PHACTR2: variants seen among roughly 807,000 people sequenced by gnomAD.
PHACTR2 encodes chromosome 6 open reading frame 56.
PHACTR2 carries 30 observed loss-of-function variants against 76.0 expected under a neutral mutation model. The observed-to-expected ratio is 0.39, with a 90% CI of 0.30 to 0.54. The LOEUF is 0.54. PHACTR2 is among the 20% of genes least tolerant of loss of function. The probability of loss-of-function intolerance (pLI) is 0.61; values close to 1 mark genes in which losing one functional copy is unlikely to be tolerated. For missense variants in PHACTR2, 696 were observed against 781.1 expected (o/e 0.89, Z 1.30); for synonymous variants, 292 against 292.5 (o/e 1.00, Z 0.02).
upstream of PHACTR2, among the ~76,000 whole-genome samples, chr6:143,604,778 G>C (rs1775848730): frequency 6.6e-6 from 1 of 151,802 alleles, no homozygotes; most frequent in African/African-American, 2.4e-5. Context: ...TGTAATCCCA[G>C]CTACTCGCGA....
At position 143,567,550 on chromosome 6, in the gene PHACTR2, C is replaced by T. The variant is rs571429656; in HGVS notation, c.217+30343C>T. ...CGTAGCTGGAACTACAGGCACACGCCGCCGCGCCTGGTGAATTTTTGTATT... is the reference window on the plus strand; with the variant it reads ...CGTAGCTGGAACTACAGGCACACGCTGCCGCGCCTGGTGAATTTTTGTATT... On this transcript the variant is annotated intron_variant, in intron 1 of 11. Transcript: ENST00000367584. 6.6e-5 allele frequency among the ~76,000 whole-genome samples: 10 copies of T among 152,284 alleles called. No homozygotes were observed. The South Asian group carries it at 1.5e-3, about 22-fold the overall frequency.
At position 143,791,037 on chromosome 6, in the gene PHACTR2, T is replaced by G. The variant is rs953485459; in HGVS notation, c.1845+2127T>G. Among the ~76,000 whole-genome samples the G allele has an allele frequency of 6.6e-6, 1 of 152,160 alleles. No individual in the cohort carries two copies. Among genetic ancestry groups the G allele is most frequent in the Non-Finnish European group, 1.5e-5 (1 of 68,026 alleles). On this transcript the variant is annotated intron_variant, in intron 11 of 12. Coordinates refer to ENST00000440869, the MANE Select transcript of PHACTR2 (RefSeq NM_001100164.2). This position sits in a 1 kb window ranked among gnomAD's most constrained non-coding sequence, Gnocchi z 4.7. Reference sequence around the variant, plus strand: ...CAACCTTTTTCTTTATGGCTTATGATTTTGTTTCTGGTTTTAAAAATTCTT... The same window carrying G: ...CAACCTTTTTCTTTATGGCTTATGAGTTTGTTTCTGGTTTTAAAAATTCTT...
intron 1 of PHACTR2, among the ~76,000 whole-genome samples, chr6:143,634,503 A>G (rs944451239): frequency 1.3e-5 from 2 of 152,204 alleles, no homozygotes; most frequent in Non-Finnish European, 2.9e-5. Flanking sequence ...CTGATTTTAA[A>G]CAGAGGTCTT....
At chr6:143,545,962 G>A (rs1434519647) in intron 1 of PHACTR2, among the ~76,000 whole-genome samples, 3 of 152,106 alleles carry the variant, frequency 2.0e-5, no homozygotes, top group Non-Finnish European at 1.5e-5. Flanking sequence ...AGCACATTTC[G>A]GTGATCATTA....
intron 1 of PHACTR2, among the ~76,000 whole-genome samples, chr6:143,600,995 A>G (rs933776972): frequency 2.0e-5 from 3 of 152,236 alleles, no homozygotes; most frequent in Non-Finnish European, 4.4e-5. Context: ...ATCCAGATCT[A>G]TCATTTGTGC....
chr6:143,771,647 G>A (rs2128475212), intron 6 of PHACTR2, among the ~76,000 whole-genome samples: 1 of 152,086 alleles, frequency 6.6e-6, no homozygotes, highest in South Asian at 2.1e-4. Context: ...ATGTTGCCCA[G>A]GCTGGTCTTG....
Position 143,648,946 on chromosome 6 carries a change from T to TTGTGTGTGTCTGTGTGTGTGTCTG in PHACTR2, c.13+40641_13+40642insGTGTCTGTGTGTGTGTCTGTGTGT, listed in dbSNP as rs71024867. Among the ~76,000 whole-genome samples, 1 of 150,242 alleles carries TTGTGTGTGTCTGTGTGTGTGTCTG rather than the reference T, an allele frequency of 6.7e-6. No homozygotes were observed. Among genetic ancestry groups the TTGTGTGTGTCTGTGTGTGTGTCTG allele is most frequent in the African/African-American group, 2.5e-5 (1 of 40,726 alleles). ...TGTGTATGTCTATGTCTATGTATGT[T>TTGTGTGTGTCTGTGTGTGTGTCTG]TGTGTGTGTCTGTGTGTCTATGTGT... On this transcript the variant is annotated intron_variant, in intron 1 of 11. Transcript: ENST00000305766. This position sits in a 1 kb window ranked among gnomAD's most constrained non-coding sequence, Gnocchi z 6.7.
chr6:143,542,305 G>A (rs537347034), intron 1 of PHACTR2, among the ~76,000 whole-genome samples: 1 of 152,176 alleles, frequency 6.6e-6, no homozygotes, highest in Non-Finnish European at 1.5e-5. Context: ...CGCCGGTCAG[G>A]CTTCATTCCA....
At chr6:143,555,412 C>T (rs536856467) in intron 1 of PHACTR2, among the ~76,000 whole-genome samples, 1 of 152,282 alleles carries the variant, frequency 6.6e-6, no homozygotes, top group South Asian at 2.1e-4. Context: ...AAAACCTTAT[C>T]ACTTTCACAC....
At chr6:143,606,513 A>G (rs1459080190), upstream of PHACTR2, among the ~76,000 whole-genome samples, 6 of 152,248 alleles carry the variant, frequency 3.9e-5, no homozygotes, top group Non-Finnish European at 5.9e-5. Flanking sequence ...CAAAGCTAAT[A>G]TAAATATATT....
chr6:143,747,357 G>A (rs767899947), intron 2 of PHACTR2, among the ~76,000 whole-genome samples: 2 of 152,210 alleles, frequency 1.3e-5, no homozygotes, highest in Non-Finnish European at 2.9e-5. Context: ...AACACTTAAG[G>A]AAGACTTTCA....
At position 143,823,512 on chromosome 6, in the gene PHACTR2, T is replaced by C. The variant is rs1441350103; in HGVS notation, c.1923-162T>C. Among the ~76,000 whole-genome samples, 2 of 152,218 alleles carry C rather than the reference T, an allele frequency of 1.3e-5. No homozygotes were observed. The highest frequency in any genetic ancestry group is 2.9e-5 in the Non-Finnish European group (2 of 68,028). ...TTATATATGCTTTCCTTAATAATAT[T>C]TGTAACAGTATTTTGTTATGACAGA... On this transcript the variant is annotated intron_variant, in intron 12 of 12. Coordinates refer to ENST00000440869, the MANE Select transcript of PHACTR2 (RefSeq NM_001100164.2). The surrounding 1 kb of genome is among the most constrained non-coding windows in gnomAD (Gnocchi z 5.7).
At chr6:143,540,640 CA>C (rs1253607633) in intron 1 of PHACTR2, among the ~76,000 whole-genome samples, 2 of 151,438 alleles carry the variant, frequency 1.3e-5, no homozygotes, top group African/African-American at 4.9e-5. Flanking sequence ...TCTCAGACTT[CA>C]AGGGATTTTA....
chr6:143,715,639 A>G (rs1652955871), intron 2 of PHACTR2, among the ~76,000 whole-genome samples: 1 of 152,242 alleles, frequency 6.6e-6, no homozygotes, highest in African/African-American at 2.4e-5. Context: ...CTAGACAGGT[A>G]GGGTACTAAT....
chr6:143,760,567 T>A lies in PHACTR2; in HGVS notation c.621T>A (p.Asn207Lys), dbSNP rs61746200. 1.1e-3 allele frequency: 1,800 copies of A among 1,613,724 alleles called. 18 individuals carry two copies. In the African/African-American group the frequency reaches 0.021, roughly 19 times the overall value. Residue 207 changes from asparagine to lysine, a missense_variant, in exon 5 of 13, where the codon AAT becomes AAA. Coordinates refer to ENST00000440869, the MANE Select transcript of PHACTR2 (RefSeq NM_001100164.2). This position sits in a 1 kb window ranked among gnomAD's most constrained non-coding sequence, Gnocchi z 6.4. ...KGDEVPPIKK[N>K]TKAPGKQAPV... ...ATGAAGTGCCTCCCATTAAAAAAAA[T>A]ACCAAGGCTCCTGGTAAGCAGGCCC...
intron 6 of PHACTR2, among the ~76,000 whole-genome samples, chr6:143,766,713 C>G (rs1779570493): frequency 6.6e-6 from 1 of 152,232 alleles, no homozygotes; most frequent in African/African-American, 2.4e-5. Context: ...CCCAGTTGCC[C>G]AAGCTGGAAA....
At chr6:143,796,861 C>T (rs150218477) in intron 11 of PHACTR2, among the ~76,000 whole-genome samples, 1 of 152,120 alleles carries the variant, frequency 6.6e-6, no homozygotes, top group Non-Finnish European at 1.5e-5. Flanking sequence ...AATAGTGCCT[C>T]AGTAAACATA....
At chr6:143,785,106 A>G (rs1256560517) in intron 10 of PHACTR2, among the ~76,000 whole-genome samples, 1 of 152,204 alleles carries the variant, frequency 6.6e-6, no homozygotes, top group African/African-American at 2.4e-5. Context: ...CAAAATCCAC[A>G]GTCCAAAGTC....
Position 143,578,728 on chromosome 6 carries a change from T to G in PHACTR2, c.217+41521T>G, listed in dbSNP as rs1775542080. ...GAAGACGATTATAACAATGGAGAGG[T>G]AGATGATGAAGAAGATGAAGAAGAC... On this transcript the variant is annotated intron_variant, in intron 1 of 11. Coordinates refer to the PHACTR2 transcript ENST00000367584. This position sits in a 1 kb window ranked among gnomAD's most constrained non-coding sequence, Gnocchi z 4.5. Among the ~76,000 whole-genome samples the G allele has an allele frequency of 6.7e-6, 1 of 149,776 alleles. No homozygotes were observed. The highest frequency in any genetic ancestry group is 1.5e-5 in the Non-Finnish European group (1 of 67,458).
Sources: gnomAD v4.1 joint callset for allele counts (sites outside exome capture counted in the v4.1 genomes callset) on GRCh38, gnomAD v4.1.1 for gene constraint, Gnocchi (gnomAD v3.1) non-coding constraint, MANE v1.5 for transcripts, NCBI Gene and HGNC (gene_info 2026-07-23, HGNC 2026-07-21) for gene names.